The following DYNC2I1 variants were observed in gnomAD, a reference collection of about 807,000 sequenced individuals.
DYNC2I1 encodes the protein cytoplasmic dynein 2 intermediate chain 1.
In DYNC2I1, 89 loss-of-function variants were observed where a neutral mutation model predicts 133.4. That is an observed-to-expected ratio of 0.67 (90% CI 0.56 to 0.80). The LOEUF is 0.80. DYNC2I1 is among the 30% of genes least tolerant of loss of function. The pLI, the probability that DYNC2I1 is intolerant of heterozygous loss-of-function variation, is 0.00. For synonymous variants in DYNC2I1, 504 were observed against 484.3 expected, an observed-to-expected ratio of 1.04 and a Z score of -0.54; for missense variants, 1,291 against 1,314.5, an observed-to-expected ratio of 0.98 and a Z score of 0.28.
chr7:158,887,788 C>A (rs1844753766), intron 7 of DYNC2I1, among the ~76,000 whole-genome samples: 1 of 152,180 alleles, frequency 6.6e-6, no homozygotes, highest in Non-Finnish European at 1.5e-5. Flanking sequence ...CAATCATCAT[C>A]CCTCTCCTTG....
chr7:158,944,749 GT>G (rs1196910664), intron 24 of DYNC2I1, among the ~76,000 whole-genome samples: 3 of 152,322 alleles, frequency 2.0e-5, no homozygotes, highest in African/African-American at 7.2e-5. Context: ...ATCCTGGCAG[GT>G]GATGGCACCA....
intron 4 of DYNC2I1, among the ~76,000 whole-genome samples, chr7:158,954,300 C>T (rs1270675535): frequency 6.6e-6 from 1 of 152,182 alleles, no homozygotes; most frequent in Non-Finnish European, 1.5e-5. Flanking sequence ...ATGCACCTAT[C>T]ATGCATCAGA....
In DYNC2I1 at chr7:158,884,535, G is replaced by T. The variant is rs750359393; in HGVS notation, c.880-29G>T. The T allele has an allele frequency of 9.4e-6, 15 of 1,601,544 alleles. No individual in the cohort carries two copies. In the Admixed American group the frequency reaches 2.6e-4, roughly 28 times the overall value. On this transcript the variant is annotated intron_variant, in intron 5 of 24. Coordinates refer to ENST00000407559, the MANE Select transcript of DYNC2I1 (RefSeq NM_018051.5). ...ACTTCATTCCGATATGCTAATAAAT[G>T]GTTATGGGATTATATTTTTGTTTGA...
In DYNC2I1 at chr7:158,887,224, G is replaced by A. The variant is rs549669910; in HGVS notation, c.990+149G>A. The A allele has an allele frequency of 3.1e-4, 235 of 749,592 alleles. 1 individual carries two copies. The African/African-American group carries it at 3.9e-3, about 12-fold the overall frequency. The allele number at this position is 749,592 out of a possible 1,614,324, so 46.4% of individuals were successfully genotyped here. On this transcript the variant is annotated intron_variant, in intron 7 of 24. Coordinates refer to ENST00000407559, the MANE Select transcript of DYNC2I1 (RefSeq NM_018051.5). ...GAGTGGTGATCCCAGAAGGCACACTGGAGACTCACTTTAGGTTAGAAGATG... is the reference window on the plus strand; with the variant it reads ...GAGTGGTGATCCCAGAAGGCACACTAGAGACTCACTTTAGGTTAGAAGATG...
chr7:158,874,621 C>A (rs932636314), intron 3 of DYNC2I1, among the ~76,000 whole-genome samples: 1 of 152,140 alleles, frequency 6.6e-6, no homozygotes, highest in Non-Finnish European at 1.5e-5. Flanking sequence ...TCCTTTCTTT[C>A]CACAAAGCCC....
chr7:158,868,233 C>G (rs1307223086), intron 1 of DYNC2I1, among the ~76,000 whole-genome samples: 1 of 152,130 alleles, frequency 6.6e-6, no homozygotes, highest in African/African-American at 2.4e-5. Context: ...TTTAATAGTC[C>G]CCTCAGATGC....
At chr7:158,948,280 C>T (rs768756667), downstream of DYNC2I1, among the ~76,000 whole-genome samples, 1 of 152,242 alleles carries the variant, frequency 6.6e-6, no homozygotes, top group Non-Finnish European at 1.5e-5. Context: ...CGCTTCCACA[C>T]GGGGGTCTCC....
rs768505025 is a variant in DYNC2I1, at chr7:158,922,420, G to T, written c.1965G>T (p.Gln655His). Reference protein sequence around the residue: ...SSLHTSRVQRQMVVSVHDLPE... With the variant: ...SSLHTSRVQRHMVVSVHDLPE... ...TGCACACCTCCCGAGTTCAGAGGCA[G>T]ATGGTGGTCTCCGTTCACGACTTAC... Residue 655 changes from glutamine (Q) to histidine (H), a missense_variant, in exon 16 of 25, where the codon CAG becomes CAT. Gln to His is a conservative substitution (Grantham distance 24, BLOSUM62 0). Transcript: ENST00000407559. The T allele has an allele frequency of 6.2e-7, 1 of 1,614,046 alleles. No individual in the cohort carries two copies. The highest frequency in any genetic ancestry group is 1.7e-5 in the Admixed American group (1 of 60,028).
At chr7:158,847,096 C>T in the DYNC2I1 span, among the ~76,000 whole-genome samples, 1 of 152,090 alleles carries the variant, frequency 6.6e-6, no homozygotes, top group East Asian at 1.9e-4. Context: ...AGCTCTGATG[C>T]CTTTTGGTTC....
chr7:158,859,029 TCTTTC>T (rs1208819954), intron 1 of DYNC2I1, among the ~76,000 whole-genome samples: 3 of 130,640 alleles, frequency 2.3e-5, no homozygotes, highest in African/African-American at 8.8e-5. Flanking sequence ...AGAGTCTTGC[TCTTTC>T]ACCCAAGTTG....
chr7:158,857,138 A>G (rs1841340396), intron 1 of DYNC2I1, among the ~76,000 whole-genome samples: 1 of 152,196 alleles, frequency 6.6e-6, no homozygotes, highest in Admixed American at 6.5e-5. Flanking sequence ...ATGACTTGTC[A>G]CAGTTTAAGA....
intron 13 of DYNC2I1, 88 bp from the exon 14 acceptor site, chr7:158,914,145 T>G (rs777529216): frequency 1.8e-4 from 186 of 1,041,640 alleles, no homozygotes; most frequent in Non-Finnish European, 2.3e-4. Flanking sequence ...AATGTTGATT[T>G]GTTAGGCCTG....
chr7:158,864,594 C>A (rs1356095136), intron 1 of DYNC2I1, among the ~76,000 whole-genome samples: 1 of 152,034 alleles, frequency 6.6e-6, no homozygotes, highest in African/African-American at 2.4e-5. Context: ...ACTGCAGCCT[C>A]GACCTCCTGG....
rs1010461108 is a variant in DYNC2I1 at position 158,943,855 on chromosome 7, A to G, written c.3002+1707A>G. On this transcript the variant is annotated intron_variant, in intron 24 of 24. Transcript: ENST00000407559. ...TGCCCTGGAGCTCCCCTAACCCCTC[A>G]GCAGTGCCGGACGCCGGGTCAACCC... Among the ~76,000 whole-genome samples the G allele has an allele frequency of 2.0e-5, 3 of 152,146 alleles. No homozygotes were observed. In the East Asian group the frequency reaches 5.8e-4, roughly 29 times the overall value.
chr7:158,883,071 G>T (rs774874768), intron 5 of DYNC2I1, among the ~76,000 whole-genome samples: 7 of 152,012 alleles, frequency 4.6e-5, no homozygotes, highest in Non-Finnish European at 7.4e-5. Context: ...CCTACTGCTT[G>T]ATGTAATTAT....
intron 8 of DYNC2I1, among the ~76,000 whole-genome samples, chr7:158,896,663 G>A (rs1476845849): frequency 6.6e-6 from 1 of 152,032 alleles, no homozygotes; most frequent in Non-Finnish European, 1.5e-5. Context: ...TGTAGAGACA[G>A]GGTCTTAAGA....
chr7:158,949,788 T>C (rs979268651), downstream of DYNC2I1, among the ~76,000 whole-genome samples: 9 of 136,184 alleles, frequency 6.6e-5, no homozygotes, highest in African/African-American at 2.4e-4. Context: ...TTTTTTTTTT[T>C]CAGACGGAGT....
intron 4 of DYNC2I1, among the ~76,000 whole-genome samples, chr7:158,877,778 C>G (rs148130168): frequency 2.0e-5 from 3 of 152,242 alleles, no homozygotes; most frequent in East Asian, 3.9e-4. Flanking sequence ...GATGGTTAAA[C>G]TCTGGTCCCA....
rs1287377799 is a variant in DYNC2I1, at chr7:158,856,647, A to G, written c.-89A>G. On this transcript the variant is annotated 5_prime_UTR_variant, in exon 1 of 25. Transcript: ENST00000407559. ...GCTAGGCGCTGGGACGCGCCTCCCGAAGGGTGCGGGGCACAGGTGGCCTCT... is the reference window on the plus strand; with the variant it reads ...GCTAGGCGCTGGGACGCGCCTCCCGGAGGGTGCGGGGCACAGGTGGCCTCT... 8.3e-6 allele frequency: 10 copies of G among 1,211,724 alleles called. No homozygotes were observed. Among genetic ancestry groups the G allele is most frequent in the Non-Finnish European group, 1.0e-5 (10 of 969,360 alleles). The allele number at this position is 1,211,724 out of a possible 1,614,324, so 75.1% of individuals were successfully genotyped here.
Sources: allele counts gnomAD v4.1 joint callset (sites outside exome capture counted in the v4.1 genomes callset), GRCh38; gene constraint gnomAD v4.1.1; transcripts MANE v1.5; gene names NCBI Gene and HGNC (gene_info 2026-07-23, HGNC 2026-07-21).